Variants in STK3 observed in about 807,000 individuals in gnomAD.
STK3 encodes the protein serine/threonine-protein kinase 3.
In STK3, 41 loss-of-function variants were observed where a neutral mutation model predicts 58.0. The ratio of observed to expected loss-of-function variants is 0.71; its 90% CI spans 0.55 to 0.92. The LOEUF (loss-of-function observed/expected upper bound fraction) is 0.92, where lower values mean the gene tolerates loss of function less well. Among genes scored for constraint, STK3 ranks in the 40% least tolerant of loss-of-function variants. The pLI, the probability that STK3 is intolerant of heterozygous loss-of-function variation, is 0.00. For synonymous variants in STK3, 170 were observed against 191.0 expected (o/e 0.89, Z 0.91); for missense variants, 479 against 602.7 (o/e 0.79, Z 2.15).
At chr8:98,583,831 AAG>A (rs1333330821) in intron 7 of STK3, among the ~76,000 whole-genome samples, 2 of 150,456 alleles carry the variant, frequency 1.3e-5, no homozygotes, top group Admixed American at 1.3e-4. Flanking sequence ...ACCTATGGGT[AAG>A]AGAGAGAGTG....
intron 3 of STK3, among the ~76,000 whole-genome samples, chr8:98,394,810 T>C (rs1817883164): frequency 6.6e-6 from 1 of 152,232 alleles, no homozygotes; most frequent in African/African-American, 2.4e-5. Context: ...TTATATTGGG[T>C]TCTCTTCTCC....
intron 10 of STK3, among the ~76,000 whole-genome samples, chr8:98,482,774 AGTTAT>A (rs1821953722): frequency 6.6e-6 from 1 of 152,244 alleles, no homozygotes; most frequent in Non-Finnish European, 1.5e-5. Context: ...CCTGGGTAGA[AGTTAT>A]GTTATTTGTG....
intron 6 of STK3, among the ~76,000 whole-genome samples, chr8:98,625,913 T>C (rs147836161): frequency 6.6e-6 from 1 of 152,308 alleles, no homozygotes; most frequent in African/African-American, 2.4e-5. Flanking sequence ...GGGGGGCTTA[T>C]GATAGCAAAC....
intron 4 of STK3, among the ~76,000 whole-genome samples, chr8:98,725,761 C>T (rs1323930521): frequency 6.6e-6 from 1 of 152,038 alleles, no homozygotes; most frequent in African/African-American, 2.4e-5. Flanking sequence ...TTTACCTTAA[C>T]AGTAAAAAGT....
chr8:98,586,043 CA>C (rs1217841044), intron 7 of STK3, among the ~76,000 whole-genome samples: 1 of 152,172 alleles, frequency 6.6e-6, no homozygotes, highest in East Asian at 1.9e-4. Flanking sequence ...CATCAGCAGA[CA>C]GGGACAATTT....
chr8:98,674,372 T>C (rs1181968177), intron 6 of STK3, among the ~76,000 whole-genome samples: 4 of 152,086 alleles, frequency 2.6e-5, no homozygotes, highest in Non-Finnish European at 5.9e-5. Context: ...ATGTTCAATT[T>C]GTGATGAATC....
chr8:98,830,073 A>G (rs1350319865), upstream of STK3, among the ~76,000 whole-genome samples: 1 of 152,132 alleles, frequency 6.6e-6, no homozygotes, highest in Non-Finnish European at 1.5e-5. Context: ...CTAAAAAAAT[A>G]CAAAAATTAG....
At chr8:98,776,886 T>C (rs918061332) in intron 1 of STK3, among the ~76,000 whole-genome samples, 1 of 151,560 alleles carries the variant, frequency 6.6e-6, no homozygotes, top group Non-Finnish European at 1.5e-5. Context: ...CCGTCTCTAC[T>C]AAAAATACGA....
chr8:98,903,545 T>TTCC lies in STK3; in HGVS notation c.-78-19712_-78-19711insGGA, dbSNP rs1564093561. On this transcript the variant is annotated intron_variant, in intron 1 of 1. Transcript: ENST00000519420. ...CTTCTTCTTCTTCTTCTTCTTCTTC[T>TTCC]TCTTCTTCTTCCTTTTTTTTTTTTT... is the stretch of plus-strand genomic sequence containing the variant. Among the ~76,000 whole-genome samples the TTCC allele has an allele frequency of 8.1e-3, 194 of 24,056 alleles. 7 individuals are homozygous for TTCC. Among genetic ancestry groups the TTCC allele is most frequent in the East Asian group, 0.024 (16 of 664 alleles). 15.8% of individuals were successfully genotyped at this position (24,056 alleles called of 152,430 possible).
At chr8:98,818,915 A>G (rs567738462) in intron 1 of STK3, among the ~76,000 whole-genome samples, 1 of 152,096 alleles carries the variant, frequency 6.6e-6, no homozygotes, top group South Asian at 2.1e-4. Context: ...CCGCCTCCCA[A>G]GTTCACACGA....
downstream of STK3, chr8:98,401,273 G>A (rs887381510): frequency 3.3e-5 from 5 of 152,210 alleles, no homozygotes; most frequent in African/African-American, 1.2e-4. Flanking sequence ...TGTGGATGGG[G>A]AAGGCTTTGC....
chr8:98,536,966 C>G (rs1289036298), intron 9 of STK3, among the ~76,000 whole-genome samples: 1 of 152,034 alleles, frequency 6.6e-6, no homozygotes, highest in Non-Finnish European at 1.5e-5. Flanking sequence ...TACAGGCTGA[C>G]CTAAAAAACC....
chr8:98,482,472 G>C (rs907960910), intron 10 of STK3, among the ~76,000 whole-genome samples: 9 of 152,102 alleles, frequency 5.9e-5, no homozygotes, highest in Non-Finnish European at 5.9e-5. Context: ...ATGAGGGCCG[G>C]GATTAGCAAT....
downstream of STK3, among the ~76,000 whole-genome samples, chr8:98,367,750 G>A (rs941821909): frequency 4.6e-5 from 7 of 152,202 alleles, no homozygotes; most frequent in East Asian, 1.9e-4. Context: ...ACAGCCTTTC[G>A]GGGCAACTCT....
At chr8:98,396,292 C>T (rs1452098135) in intron 3 of STK3, among the ~76,000 whole-genome samples, 1 of 152,180 alleles carries the variant, frequency 6.6e-6, no homozygotes, top group Non-Finnish European at 1.5e-5. Context: ...TATGTATATC[C>T]AAAATAATAC....
rs1228995864 is a variant in STK3 at position 98,734,298 on chromosome 8, T to G, written c.351+14978A>C. 3.3e-5 allele frequency among the ~76,000 whole-genome samples: 5 copies of G among 152,184 alleles called. No homozygotes were observed. The East Asian group carries it at 9.6e-4, about 29-fold the overall frequency. On this transcript the variant is annotated intron_variant, in intron 4 of 10. Coordinates refer to ENST00000419617, the MANE Select transcript of STK3 (RefSeq NM_006281.4). ...CACTAGGCAAATGTTACTTATTACT[T>G]AACAGATGAGGACACTGAAGTCCTT...
rs945152540 is a variant in STK3 at position 98,864,112 on chromosome 8, T to A, written c.110+19535A>T. On this transcript the variant is annotated intron_variant, in intron 3 of 12. Coordinates refer to the STK3 transcript ENST00000523601. ...TACTCCGGAGGCTGAGGCAGGAGAA[T>A]GGCATGAATCGGGAGGCGGAGCTTG... 2.9e-5 allele frequency among the ~76,000 whole-genome samples: 4 copies of A among 139,082 alleles called. No homozygotes were observed. In the East Asian group the frequency reaches 8.4e-4, roughly 29 times the overall value. 91.2% of individuals were successfully genotyped at this position (139,082 alleles called of 152,430 possible). A position where few individuals can be genotyped will look rare whatever the true frequency, so the allele number is the denominator to read the frequency against.
intron 6 of STK3, among the ~76,000 whole-genome samples, chr8:98,701,233 GAGAAA>G (rs377210236): frequency 6.6e-6 from 1 of 151,818 alleles, no homozygotes; most frequent in Non-Finnish European, 1.5e-5. Context: ...AAAAAGTAAA[GAGAAA>G]AGAAAAGAAA....
intron 8 of STK3, among the ~76,000 whole-genome samples, chr8:98,574,593 T>C (rs778803994): frequency 1.3e-5 from 2 of 152,068 alleles, no homozygotes; most frequent in Non-Finnish European, 2.9e-5. Context: ...TCTAATGGAG[T>C]AAGCTGCAAT....
Sources: gnomAD v4.1 joint callset for allele counts (sites outside exome capture counted in the v4.1 genomes callset) on GRCh38, gnomAD v4.1.1 for gene constraint, MANE v1.5 for transcripts, NCBI Gene and HGNC (gene_info 2026-07-23, HGNC 2026-07-21) for gene names.